The following CD24 variants were observed in gnomAD, a reference collection of about 807,000 sequenced individuals.
CD24 encodes signal transducer CD24.
A neutral mutation model predicts 3.6 loss-of-function variants in CD24; 2 were observed. That is an observed-to-expected ratio of 0.56 (90% confidence interval 0.23 to 1.77). The LOEUF (loss-of-function observed/expected upper bound fraction) is 1.77. Among genes scored for constraint, CD24 ranks in the 40% most tolerant of loss-of-function variants. The pLI is 0.18. For missense variants in CD24, 62 were observed against 93.6 expected (o/e 0.66, Z 1.39); for synonymous variants, 33 against 44.9 (o/e 0.74, Z 1.06).
chr6:106,975,376 G>C (rs1220722984), upstream of CD24: 6 of 150,094 alleles, frequency 4.0e-5, no homozygotes, highest in Admixed American at 3.3e-4. Flanking sequence ...CACCCTGGCC[G>C]ACGGGACCCG....
Position 106,970,407 on chromosome 6 carries a change from GT to G in CD24, c.*1253del, listed in dbSNP as rs1772940893. 1 of 152,622 alleles carries G rather than the reference GT, an allele frequency of 6.6e-6. No homozygotes were observed. Among genetic ancestry groups the G allele is most frequent in the East Asian group, 1.9e-4 (1 of 5,200 alleles). The allele number at this position is 152,622 out of a possible 1,614,324, so 9.5% of individuals were successfully genotyped here. A position where few individuals can be genotyped will look rare whatever the true frequency, so the allele number is the denominator to read the frequency against. The stretch of plus-strand genomic sequence containing the variant: ...TCACTTCCCAAATACTTGATTTATA[GT>G]TTTGACTCCTTTACATTTTTGCCTT... On this transcript the variant is annotated 3_prime_UTR_variant, in exon 2 of 2. Coordinates refer to ENST00000606017, the MANE Select transcript of CD24 (RefSeq NM_001359084.1).
In CD24 at chr6:106,970,172, T is replaced by C. The variant is rs1452969520; in HGVS notation, c.*1489A>G. ...GTGTCTATTTTTAAAAAGGTTTATG[T>C]GTGTCGAGGCAGTTGTAAAAGATTT... On this transcript the variant is annotated 3_prime_UTR_variant, in exon 2 of 2. Coordinates refer to ENST00000606017, the MANE Select transcript of CD24 (RefSeq NM_001359084.1). 6.6e-6 allele frequency: 1 copy of C among 152,410 alleles called. No individual in the cohort carries two copies. The highest frequency in any genetic ancestry group is 2.4e-5 in the African/African-American group (1 of 41,446). 9.4% of individuals were successfully genotyped at this position (152,410 alleles called of 1,614,324 possible).
Position 106,971,622 on chromosome 6 carries a change from G to A in CD24, c.*39C>T. 1 of 1,533,068 alleles carries A rather than the reference G, an allele frequency of 6.5e-7. No individual in the cohort carries two copies. 95.0% of individuals were successfully genotyped at this position (1,533,068 alleles called of 1,614,324 possible). A position where few individuals can be genotyped will look rare whatever the true frequency, so the allele number is the denominator to read the frequency against. On this transcript the variant is annotated 3_prime_UTR_variant, in exon 2 of 2. Coordinates refer to ENST00000606017, the MANE Select transcript of CD24 (RefSeq NM_001359084.1). The stretch of plus-strand genomic sequence containing the variant: ...GACGCCATTTGGATTGGGTTTAGAA[G>A]ATGGGGAAATTTAGAAGACGTTTCT...
chr6:106,975,842 T>C (rs1321932325), upstream of CD24, among the ~76,000 whole-genome samples: 3 of 152,242 alleles, frequency 2.0e-5, no homozygotes, highest in African/African-American at 7.2e-5. Flanking sequence ...TTTCGGTCTC[T>C]GTTGCCCGTC....
intron 1 of CD24, chr6:106,973,544 G>C (rs1773024594): frequency 1.3e-5 from 5 of 397,632 alleles, no homozygotes; most frequent in Admixed American, 8.8e-5. Flanking sequence ...GTCTGGGGAC[G>C]GAGGACGCAG....
chr6:106,971,649 G>A lies in CD24; in HGVS notation c.*12C>T. ...TGGGGAAATTTAGAAGACGTTTCTT[G>A]GCCTGAGTCTCTTAAGAGTAGAGAT... On this transcript the variant is annotated 3_prime_UTR_variant, in exon 2 of 2. Transcript: ENST00000606017. 6.5e-7 allele frequency: 1 copy of A among 1,544,960 alleles called. No homozygotes were observed. The highest frequency in any genetic ancestry group is 2.0e-5 in the Admixed American group (1 of 50,498).
intron 1 of CD24, chr6:106,973,833 G>GT (rs2114900501): frequency 2.5e-6 from 1 of 398,550 alleles, no homozygotes; most frequent in Admixed American, 4.4e-5. Context: ...CGCGCTGGTA[G>GT]CGGCGACCCG....
chr6:106,973,372 G>A (rs1215764497), intron 1 of CD24: 2 of 330,306 alleles, frequency 6.1e-6, no homozygotes, highest in Non-Finnish European at 5.5e-6. Flanking sequence ...AGTGGAGGGG[G>A]CCGGTTTCTC....
chr6:106,973,120 G>A (rs1387238350), intron 1 of CD24, among the ~76,000 whole-genome samples: 1 of 152,066 alleles, frequency 6.6e-6, no homozygotes, highest in Non-Finnish European at 1.5e-5. Context: ...TTGGGATCCC[G>A]CAAAGTAACC....
intron 1 of CD24, 40 bp from the exon 2 acceptor site, chr6:106,971,874 C>T: frequency 1.1e-5 from 15 of 1,329,294 alleles, no homozygotes; most frequent in Admixed American, 2.0e-5. Context: ...ATTTCCACAT[C>T]ACAGCTACCT....
intron 1 of CD24, chr6:106,974,136 T>C: frequency 2.6e-6 from 1 of 390,506 alleles, no homozygotes; most frequent in Non-Finnish European, 4.5e-6. Context: ...GTCGCCTCTC[T>C]TTGTGTAGAG....
chr6:106,975,594 C>T (rs1773095135), upstream of CD24: 1 of 152,326 alleles, frequency 6.6e-6, no homozygotes, highest in Non-Finnish European at 1.5e-5. Flanking sequence ...GAGCCGCTCG[C>T]TGGGCGCAGA....
chr6:106,974,729 T>G lies in CD24; in HGVS notation c.-83A>C. 7.1e-7 allele frequency: 1 copy of G among 1,407,258 alleles called. No individual in the cohort carries two copies. Among genetic ancestry groups the G allele is most frequent in the East Asian group, 3.0e-5 (1 of 33,268 alleles). The allele number at this position is 1,407,258 out of a possible 1,614,324, so 87.2% of individuals were successfully genotyped here. Reference sequence around the variant, plus strand: ...TGGCTCCGGGCGGGCGCAGGCAAGGTGGGGAGCGCGGCGAGCCGGCGAGAC... The same window carrying G: ...TGGCTCCGGGCGGGCGCAGGCAAGGGGGGGAGCGCGGCGAGCCGGCGAGAC... On this transcript the variant is annotated 5_prime_UTR_variant, in exon 1 of 2. Transcript: ENST00000606017.
chr6:106,975,657 T>TGCGGCGGGCGAGGAG (rs1340795242), upstream of CD24: 1 of 152,134 alleles, frequency 6.6e-6, no homozygotes, highest in Non-Finnish European at 1.5e-5. Context: ...CGCTCCTGCC[T>TGCGGCGGGCGAGGAG]GCGGCGGGCG....
At chr6:106,976,289 A>G (rs1273986473), upstream of CD24, among the ~76,000 whole-genome samples, 2 of 152,246 alleles carry the variant, frequency 1.3e-5, no homozygotes, top group Admixed American at 1.3e-4. Flanking sequence ...AGTAAACCAC[A>G]GAGTAGTAAG....
At chr6:106,975,110 G>C (rs1773076967), upstream of CD24, 1 of 152,148 alleles carries the variant, frequency 6.6e-6, no homozygotes, top group Non-Finnish European at 1.5e-5. Context: ...AGTTTCCTTT[G>C]TTTCCCGGGA....
chr6:106,975,089 G>A (rs1347258788), upstream of CD24: 2 of 152,066 alleles, frequency 1.3e-5, no homozygotes, highest in Admixed American at 1.3e-4. Flanking sequence ...CCGCGCTGGG[G>A]GCCGGGCCCA....
At chr6:106,975,138 C>G (rs1019069955), upstream of CD24, 15,732 of 152,168 alleles carry the variant, frequency 0.1, 867 homozygotes, top group African/African-American at 0.14. Flanking sequence ...TCTTACCCCC[C>G]AAAAGAAAAG....
chr6:106,974,480 G>A lies in CD24; in HGVS notation c.69+98C>T, dbSNP rs986249417. 1.2e-4 allele frequency: 82 copies of A among 671,480 alleles called. No individual in the cohort carries two copies. The South Asian group carries it at 1.9e-3, about 16-fold the overall frequency. The allele number at this position is 671,480 out of a possible 1,614,324, so 41.6% of individuals were successfully genotyped here. ...CTCTCCCGGTCCCTGTCCGTGGCCC[G>A]AGGCAGGAGCGCAGGACGGTCCCCC... On this transcript the variant is annotated intron_variant, in intron 1 of 1. Coordinates refer to ENST00000606017, the MANE Select transcript of CD24 (RefSeq NM_001359084.1).
Sources: gnomAD v4.1 joint callset for allele counts (sites outside exome capture counted in the v4.1 genomes callset) on GRCh38, gnomAD v4.1.1 for gene constraint, MANE v1.5 for transcripts, NCBI Gene and HGNC (gene_info 2026-07-23, HGNC 2026-07-21) for gene names.